The following ASCC3 variants were observed in gnomAD, a reference collection of about 807,000 sequenced individuals.
ASCC3 encodes activating signal cointegrator 1 complex subunit 3.
A neutral mutation model predicts 256.3 loss-of-function variants in ASCC3; 158 were observed. That is an observed-to-expected ratio of 0.62 (90% CI 0.54 to 0.70). The LOEUF is 0.70. ASCC3 is among the 30% of genes least tolerant of loss of function. The pLI is 0.00. For synonymous variants in ASCC3, 948 were observed against 883.4 expected (o/e 1.07, Z -1.30); for missense variants, 2,259 against 2,626.0 (o/e 0.86, Z 3.05).
At position 100,675,064 on chromosome 6, in the gene ASCC3, T is replaced by C. The variant is rs140130180; in HGVS notation, c.2286+4554A>G. Among the ~76,000 whole-genome samples the C allele has an allele frequency of 3.3e-5, 5 of 151,944 alleles. No individual in the cohort carries two copies. In the East Asian group the frequency reaches 7.7e-4, roughly 23 times the overall value. ...GCTTAGATCCAAAGTTTTTATTCTA[T>C]ATGAGGTTACCTCCCTTTGAAAACA... On this transcript the variant is annotated intron_variant, in intron 14 of 41. Transcript: ENST00000369162.
chr6:100,825,235 T>A (rs1479089425), intron 4 of ASCC3, among the ~76,000 whole-genome samples: 1 of 151,982 alleles, frequency 6.6e-6, no homozygotes. Flanking sequence ...CAACACAAAT[T>A]AGTAAACTTT....
At chr6:100,555,114 G>C (rs1451266106) in intron 36 of ASCC3, among the ~76,000 whole-genome samples, 1 of 148,622 alleles carries the variant, frequency 6.7e-6, no homozygotes, top group Non-Finnish European at 1.5e-5. Context: ...TAACATTCCA[G>C]GTTGAAAAAA....
intron 10 of ASCC3, among the ~76,000 whole-genome samples, chr6:100,751,265 C>T (rs1780925096): frequency 6.6e-6 from 1 of 151,956 alleles, no homozygotes; most frequent in African/African-American, 2.4e-5. Flanking sequence ...AGCATTAATG[C>T]TAGTTATAGA....
intron 14 of ASCC3, among the ~76,000 whole-genome samples, chr6:100,662,897 A>G (rs1204583454): frequency 6.6e-6 from 1 of 152,058 alleles, no homozygotes; most frequent in Non-Finnish European, 1.5e-5. Flanking sequence ...CCTTAAGAGT[A>G]AAGGCCAGAG....
chr6:100,554,200 T>C (rs913248136), intron 36 of ASCC3, among the ~76,000 whole-genome samples: 1 of 152,194 alleles, frequency 6.6e-6, no homozygotes, highest in African/African-American at 2.4e-5. Flanking sequence ...GACTTTTTCT[T>C]TACTGAAAGC....
At chr6:100,785,599 A>G (rs1769028616) in intron 8 of ASCC3, among the ~76,000 whole-genome samples, 1 of 152,048 alleles carries the variant, frequency 6.6e-6, no homozygotes, top group Non-Finnish European at 1.5e-5. Flanking sequence ...ATGTTTAGAA[A>G]TGGGGTCTCA....
chr6:100,530,925 T>C, intron 37 of ASCC3: 1 of 1,350,378 alleles, frequency 7.4e-7, no homozygotes. Flanking sequence ...AATCTTCTTT[T>C]AGACTTCAGT....
At chr6:100,782,297 T>C (rs1782489757) in intron 8 of ASCC3, among the ~76,000 whole-genome samples, 1 of 152,154 alleles carries the variant, frequency 6.6e-6, no homozygotes. Flanking sequence ...ATGCATCACA[T>C]GTGATAAGGA....
chr6:100,651,612 T>C lies in ASCC3; in HGVS notation c.3023A>G (p.Glu1008Gly). Residue 1008 changes from glutamate (E) to glycine (G), a missense_variant, in exon 19 of 42, where the codon GAA becomes GGA. Glu to Gly is a moderately conservative substitution (Grantham distance 98). Around this residue, in one of 2 missense-constraint regions of ASCC3, gnomAD observed 1,839 missense variants for 2,206.7 expected, o/e 0.83. Coordinates refer to ENST00000369162, the MANE Select transcript of ASCC3 (RefSeq NM_006828.4). ...FNELFDAHKTEGDIFAIVSKA... is the reference protein window; with the variant it reads ...FNELFDAHKTGGDIFAIVSKA... Reference sequence around the variant, plus strand: ...GGAGACTATGGCAAAGATATCACCTTCTGTTTTGTGAGCATCAAAGAGTTC... The same window carrying C: ...GGAGACTATGGCAAAGATATCACCTCCTGTTTTGTGAGCATCAAAGAGTTC... The C allele has an allele frequency of 1.3e-6, 2 of 1,590,004 alleles. No individual in the cohort carries two copies. The highest frequency in any genetic ancestry group is 1.7e-6 in the Non-Finnish European group (2 of 1,165,930).
At chr6:100,682,803 T>G (rs1418184606) in intron 13 of ASCC3, among the ~76,000 whole-genome samples, 1 of 152,194 alleles carries the variant, frequency 6.6e-6, no homozygotes, top group African/African-American at 2.4e-5. Flanking sequence ...TTTGTTATTT[T>G]TAGTGTGTTA....
chr6:100,707,396 A>C lies in ASCC3; in HGVS notation c.2151+8066T>G, dbSNP rs79901573. On this transcript the variant is annotated intron_variant, in intron 13 of 41. Transcript: ENST00000369162. The stretch of plus-strand genomic sequence containing the variant: ...AAACTATAGGAATAAAAGAAAAAAA[A>C]TTAAGGGAATAAAATGCATCAATAA... 3.9e-5 allele frequency among the ~76,000 whole-genome samples: 6 copies of C among 152,184 alleles called. No homozygotes were observed. The South Asian group carries it at 1.2e-3, about 32-fold the overall frequency.
At chr6:100,582,170 C>G (rs1258416295) in intron 36 of ASCC3, among the ~76,000 whole-genome samples, 7 of 151,882 alleles carry the variant, frequency 4.6e-5, no homozygotes. Flanking sequence ...TATAAATTAC[C>G]TTGGGCAGTA....
At chr6:100,674,589 C>G (rs536826810) in intron 14 of ASCC3, among the ~76,000 whole-genome samples, 1 of 151,482 alleles carries the variant, frequency 6.6e-6, no homozygotes. Context: ...AGAATATCTA[C>G]CATGTGTTAG....
chr6:100,753,967 C>G (rs1336240), intron 10 of ASCC3, among the ~76,000 whole-genome samples: 143,114 of 152,236 alleles, frequency 0.94, 67,594 homozygotes, highest in South Asian at 0.99. Context: ...TAGTGTTTTA[C>G]AGAAGACCTA....
chr6:100,596,580 C>T (rs1053137047), intron 34 of ASCC3, among the ~76,000 whole-genome samples: 3 of 151,950 alleles, frequency 2.0e-5, no homozygotes, highest in South Asian at 4.1e-4. Context: ...TTTTTTGCCT[C>T]GAATTTGGTT....
Position 100,703,826 on chromosome 6 carries a change from T to C in ASCC3, c.2151+11636A>G, listed in dbSNP as rs1010447282. On this transcript the variant is annotated intron_variant, in intron 13 of 41. Transcript: ENST00000369162. The stretch of plus-strand genomic sequence containing the variant: ...GACTGTTAACAAAGGAATGAATAAA[T>C]GGATAAATGTATAACCTCAATGTCT... 2.0e-5 allele frequency among the ~76,000 whole-genome samples: 3 copies of C among 152,020 alleles called. No individual in the cohort carries two copies. The South Asian group carries it at 6.2e-4, about 32-fold the overall frequency.
chr6:100,512,836 T>C lies in ASCC3; in HGVS notation c.6158A>G (p.His2053Arg), dbSNP rs1180927794. 3 of 1,614,008 alleles carry C rather than the reference T, an allele frequency of 1.9e-6. No individual in the cohort carries two copies. In the African/African-American group the frequency reaches 4.0e-5, roughly 22 times the overall value. Residue 2053 changes from histidine (H) to arginine (R), a missense_variant, in exon 40 of 42, where the codon CAT becomes CGT. Coordinates refer to ENST00000369162, the MANE Select transcript of ASCC3 (RefSeq NM_006828.4). ...CAGAGTTGAGACAGAGAGTTCATTA[T>C]GTCCTTCAACTAAGTCATCCCACGA... ...KGSWDDLVEG[H>R]NELSVSTLTA... is the part of the protein sequence containing the mutation.
At chr6:100,809,556 T>C (rs1770359150) in intron 4 of ASCC3, among the ~76,000 whole-genome samples, 2 of 152,076 alleles carry the variant, frequency 1.3e-5, no homozygotes, top group Non-Finnish European at 1.5e-5. Flanking sequence ...ATGACTGTAC[T>C]TGAAGAGTTT....
At position 100,590,076 on chromosome 6, in the gene ASCC3, GTTA is replaced by G. The variant is rs748767913; in HGVS notation, c.5304-20_5304-18del. 8 of 1,548,994 alleles carry G rather than the reference GTTA, an allele frequency of 5.2e-6. No homozygotes were observed. The highest frequency in any genetic ancestry group is 2.2e-5 in the East Asian group (1 of 44,484). ...TTGTAATAGCTAGAAAACAAGCAAG[GTTA>G]TTATTATTTGTTTCAAGACATTTTC... On this transcript the variant is annotated intron_variant, in intron 34 of 41. Coordinates refer to ENST00000369162, the MANE Select transcript of ASCC3 (RefSeq NM_006828.4).
Sources: allele counts gnomAD v4.1 joint callset (sites outside exome capture counted in the v4.1 genomes callset), GRCh38; gene constraint gnomAD v4.1.1; regional missense constraint gnomAD v4.1.1; transcripts MANE v1.5; gene names NCBI Gene and HGNC (gene_info 2026-07-23, HGNC 2026-07-21).